The following SLC25A40 variants were observed in gnomAD, a reference collection of about 807,000 sequenced individuals.
The protein encoded by SLC25A40 is solute carrier family 25 member 40, also known as mitochondrial glutathione transporter SLC25A40.
SLC25A40 carries 41 observed loss-of-function variants against 46.5 expected under a neutral mutation model. The observed-to-expected ratio is 0.88, with a 90% CI of 0.69 to 1.14. SLC25A40 has a LOEUF of 1.14. SLC25A40 is among the 50% of genes most tolerant of loss of function. The pLI, the probability that SLC25A40 is intolerant of heterozygous loss-of-function variation, is 0.00. For missense variants in SLC25A40, 386 were observed against 393.6 expected (o/e 0.98, Z 0.16); for synonymous variants, 126 against 127.5 (o/e 0.99, Z 0.08).
intron 3 of SLC25A40, among the ~76,000 whole-genome samples, chr7:87,856,667 G>A (rs1258035534): frequency 1.3e-5 from 2 of 152,050 alleles, no homozygotes; most frequent in African/African-American, 2.4e-5. Flanking sequence ...AGAAGTAAAA[G>A]TTCCAAAAGA....
chr7:87,872,798 C>A (rs1838914343), intron 1 of SLC25A40, among the ~76,000 whole-genome samples: 1 of 152,126 alleles, frequency 6.6e-6, no homozygotes, highest in Admixed American at 6.5e-5. Flanking sequence ...CCTGTCTCTA[C>A]TAAAAATACA....
intron 10 of SLC25A40, among the ~76,000 whole-genome samples, chr7:87,841,159 G>GTGTATA (rs1353494290): frequency 1.4e-4 from 19 of 137,722 alleles, no homozygotes; most frequent in Non-Finnish European, 2.2e-4. Context: ...GTGTGTGTGT[G>GTGTATA]TATATATATA....
At chr7:87,873,727 G>A (rs1330403512) in intron 1 of SLC25A40, among the ~76,000 whole-genome samples, 1 of 152,152 alleles carries the variant, frequency 6.6e-6, no homozygotes, top group Non-Finnish European at 1.5e-5. Context: ...ACCGTGCCCA[G>A]CCAGAAAGGT....
chr7:87,841,091 G>A (rs1838324978), intron 10 of SLC25A40, among the ~76,000 whole-genome samples: 1 of 148,806 alleles, frequency 6.7e-6, no homozygotes, highest in Non-Finnish European at 1.5e-5. Context: ...AAAATAGATG[G>A]GATAATGGGT....
intron 2 of SLC25A40, among the ~76,000 whole-genome samples, chr7:87,859,595 C>T (rs572390779): frequency 1.3e-5 from 2 of 152,172 alleles, no homozygotes; most frequent in South Asian, 2.1e-4. Context: ...CTTATGTGTC[C>T]GTGTACATAC....
At chr7:87,843,347 G>A (rs563224832) in intron 9 of SLC25A40, among the ~76,000 whole-genome samples, 1 of 151,960 alleles carries the variant, frequency 6.6e-6, no homozygotes, top group Non-Finnish European at 1.5e-5. Context: ...TACTTTAGTA[G>A]GACAAAATGT....
intron 4 of SLC25A40, among the ~76,000 whole-genome samples, chr7:87,855,336 A>AT (rs993884466): frequency 4.6e-5 from 7 of 151,728 alleles, no homozygotes; most frequent in African/African-American, 7.3e-5. Context: ...CAAAACTAGA[A>AT]TTTTTTTTTA....
At chr7:87,853,777 G>A (rs1838556567) in intron 5 of SLC25A40, among the ~76,000 whole-genome samples, 1 of 152,106 alleles carries the variant, frequency 6.6e-6, no homozygotes. Flanking sequence ...AGGGCTTAAG[G>A]AGTTGGTGAG....
intron 1 of SLC25A40, among the ~76,000 whole-genome samples, chr7:87,861,409 G>C (rs1043317995): frequency 5.3e-5 from 8 of 152,248 alleles, no homozygotes; most frequent in Middle Eastern, 3.4e-3. Flanking sequence ...TATACAGAAA[G>C]TATTTTTTTG....
intron 5 of SLC25A40, among the ~76,000 whole-genome samples, chr7:87,853,269 C>G (rs1029935342): frequency 1.3e-5 from 2 of 152,186 alleles, no homozygotes; most frequent in African/African-American, 4.8e-5. Context: ...ATTAAAACCA[C>G]AGTGAGATAT....
intron 3 of SLC25A40, among the ~76,000 whole-genome samples, chr7:87,857,490 C>T (rs1038736557): frequency 2.0e-5 from 3 of 152,116 alleles, no homozygotes; most frequent in African/African-American, 7.2e-5. Context: ...TATGATGAAA[C>T]ATTCATGGAT....
In SLC25A40 at chr7:87,834,685, T is replaced by C. The variant is rs896590456; in HGVS notation, c.*1564A>G. On this transcript the variant is annotated 3_prime_UTR_variant, in exon 12 of 12. Transcript: ENST00000341119. ...ATAAGCATAGCAAAACCAAGATAAATTTAAATTTAATATTGTTAAAGAGCA... is the reference window on the plus strand; with the variant it reads ...ATAAGCATAGCAAAACCAAGATAAACTTAAATTTAATATTGTTAAAGAGCA... The C allele has an allele frequency of 6.6e-6, 1 of 151,658 alleles. No homozygotes were observed. The highest frequency in any genetic ancestry group is 1.5e-5 in the Non-Finnish European group (1 of 67,724). The allele number at this position is 151,658 out of a possible 1,614,324, so 9.4% of individuals were successfully genotyped here.
chr7:87,849,744 T>C, intron 6 of SLC25A40, 137 bp downstream of exon 6: 1 of 583,384 alleles, frequency 1.7e-6, no homozygotes, highest in Non-Finnish European at 2.9e-6. Context: ...TGTGGGTGGC[T>C]GTGAGGCTTA....
chr7:87,872,164 A>C (rs966924816), intron 1 of SLC25A40, among the ~76,000 whole-genome samples: 1 of 152,230 alleles, frequency 6.6e-6, no homozygotes, highest in African/African-American at 2.4e-5. Context: ...CTTCTTACAT[A>C]ATCTTCTTAC....
intron 8 of SLC25A40, among the ~76,000 whole-genome samples, chr7:87,846,715 A>G (rs1210236602): frequency 6.6e-6 from 1 of 152,162 alleles, no homozygotes; most frequent in African/African-American, 2.4e-5. Flanking sequence ...ATACCCACTA[A>G]TTAATGTAGA....
chr7:87,869,699 A>T (rs892016142), intron 1 of SLC25A40, among the ~76,000 whole-genome samples: 1 of 152,166 alleles, frequency 6.6e-6, no homozygotes, highest in Non-Finnish European at 1.5e-5. Flanking sequence ...CTATTCCATT[A>T]CATAAATATA....
intron 10 of SLC25A40, among the ~76,000 whole-genome samples, chr7:87,839,599 T>G (rs1838302116): frequency 6.6e-6 from 1 of 151,672 alleles, no homozygotes; most frequent in African/African-American, 2.4e-5. Context: ...GACACACTCA[T>G]AAATTAGGTA....
At chr7:87,855,001 A>T (rs1261694843) in intron 4 of SLC25A40, among the ~76,000 whole-genome samples, 2 of 151,554 alleles carry the variant, frequency 1.3e-5, no homozygotes. Context: ...CTCTACAAAA[A>T]AATTTTAAAA....
chr7:87,856,521 T>G, intron 3 of SLC25A40, 170 bp from the exon 4 acceptor site: 1 of 671,118 alleles, frequency 1.5e-6, no homozygotes, highest in Non-Finnish European at 2.7e-6. Flanking sequence ...TTTTTGCCCT[T>G]AAATTTTGTT....
Sources: gnomAD v4.1 joint callset for allele counts (sites outside exome capture counted in the v4.1 genomes callset) on GRCh38, gnomAD v4.1.1 for gene constraint, MANE v1.5 for transcripts, NCBI Gene and HGNC (gene_info 2026-07-23, HGNC 2026-07-21) for gene names.